Variants in NTM observed in about 807,000 individuals in gnomAD.
NTM encodes IgLON family member 2.
Under a neutral mutation model 42.1 loss-of-function variants are expected in NTM, and 13 were observed. The observed-to-expected ratio is 0.31, with a 90% CI of 0.20 to 0.49. The LOEUF is 0.49. NTM is among the 20% of genes least tolerant of loss of function. The pLI, the probability that NTM is intolerant of heterozygous loss-of-function variation, is 0.99. For missense variants in NTM, 373 were observed against 452.8 expected (o/e 0.82, Z 1.60); for synonymous variants, 187 against 179.2 (o/e 1.04, Z -0.35).
intron 2 of NTM, among the ~76,000 whole-genome samples, chr11:132,141,365 G>T (rs958954976): frequency 2.0e-5 from 3 of 151,974 alleles, no homozygotes; most frequent in African/African-American, 7.3e-5. Flanking sequence ...TTTCTGCGGT[G>T]CACATCTTGG....
chr11:131,895,122 A>C (rs1285872454), intron 1 of NTM, among the ~76,000 whole-genome samples: 1 of 152,268 alleles, frequency 6.6e-6, no homozygotes, highest in Non-Finnish European at 1.5e-5. Context: ...TTCGGTGATT[A>C]GGTTTTAAGA....
intron 1 of NTM, among the ~76,000 whole-genome samples, chr11:131,439,580 C>T (rs376537272): frequency 5.9e-5 from 9 of 152,322 alleles, no homozygotes; most frequent in South Asian, 4.1e-4. Context: ...GTGCTAGCAG[C>T]GAGCAAAGCT....
intron 4 of NTM, among the ~76,000 whole-genome samples, chr11:132,225,374 G>A (rs2086006058): frequency 6.6e-6 from 1 of 152,048 alleles, no homozygotes; most frequent in Non-Finnish European, 1.5e-5. Context: ...AGTGACTTTA[G>A]TGCTGCAAGA....
intron 4 of NTM, among the ~76,000 whole-genome samples, chr11:132,219,842 A>G (rs1015988858): frequency 2.6e-5 from 4 of 152,212 alleles, no homozygotes; most frequent in African/African-American, 7.2e-5. Context: ...ACCCGTGAGA[A>G]AAGAACGGAA....
intron 2 of NTM, among the ~76,000 whole-genome samples, chr11:131,957,111 G>A (rs2061639036): frequency 6.6e-6 from 1 of 152,148 alleles, no homozygotes; most frequent in South Asian, 2.1e-4. Flanking sequence ...ACTACGAGGT[G>A]GCCATGCTAG....
intron 1 of NTM, among the ~76,000 whole-genome samples, chr11:131,403,637 C>T (rs1263745906): frequency 2.0e-5 from 3 of 152,158 alleles, no homozygotes; most frequent in African/African-American, 7.2e-5. Context: ...ACTATGCACT[C>T]TTAGGAGGTT....
intron 1 of NTM, among the ~76,000 whole-genome samples, chr11:131,901,225 A>G (rs1245533795): frequency 1.3e-5 from 2 of 152,256 alleles, no homozygotes; most frequent in African/African-American, 4.8e-5. Flanking sequence ...TTCCAAGGTC[A>G]AGCTGGTAAT....
intron 1 of NTM, among the ~76,000 whole-genome samples, chr11:131,392,165 A>G (rs1944086198): frequency 6.6e-6 from 1 of 152,268 alleles, no homozygotes. Flanking sequence ...GCAAAAAGTC[A>G]TACTATATTA....
intron 2 of NTM, among the ~76,000 whole-genome samples, chr11:131,973,484 A>G (rs142334767): frequency 1.1e-3 from 161 of 152,318 alleles, no homozygotes; most frequent in African/African-American, 3.7e-3. Context: ...CCCTAAGGGC[A>G]GGAGGGGAGT....
At chr11:131,525,141 G>A (rs1042416907) in intron 1 of NTM, among the ~76,000 whole-genome samples, 8 of 152,212 alleles carry the variant, frequency 5.3e-5, no homozygotes, top group Non-Finnish European at 1.2e-4. Context: ...CCTGGGGAAG[G>A]GACATGGCCC....
At chr11:131,717,526 G>A (rs1346790596) in intron 1 of NTM, among the ~76,000 whole-genome samples, 1 of 152,042 alleles carries the variant, frequency 6.6e-6, no homozygotes, top group Non-Finnish European at 1.5e-5. Context: ...ATTTCACGTT[G>A]CTCATTACTA....
chr11:131,400,009 C>A (rs1944962220), intron 1 of NTM, among the ~76,000 whole-genome samples: 1 of 152,022 alleles, frequency 6.6e-6, no homozygotes, highest in South Asian at 2.1e-4. Context: ...TGAGATTCAT[C>A]CTAATTTATG....
At chr11:132,332,616 G>C (rs1313402415) in intron 8 of NTM, 1 of 152,306 alleles carries the variant, frequency 6.6e-6, no homozygotes, top group Non-Finnish European at 1.5e-5. Flanking sequence ...GCGTAGCAAG[G>C]AGACCAAACA....
At chr11:131,470,788 A>G (rs1274873186) in intron 1 of NTM, among the ~76,000 whole-genome samples, 1 of 152,120 alleles carries the variant, frequency 6.6e-6, no homozygotes. Flanking sequence ...GGGAAGGGAG[A>G]GGTGAGAGAC....
At chr11:131,533,631 C>A (rs969109031) in intron 1 of NTM, among the ~76,000 whole-genome samples, 2 of 152,174 alleles carry the variant, frequency 1.3e-5, no homozygotes, top group African/African-American at 4.8e-5. Flanking sequence ...AGCATCCCTT[C>A]TGTGAAATGG....
intron 1 of NTM, among the ~76,000 whole-genome samples, chr11:131,433,411 C>T (rs952457139): frequency 6.6e-6 from 1 of 152,196 alleles, no homozygotes; most frequent in South Asian, 2.1e-4. Context: ...GAACTCCCAT[C>T]ACCACTAACC....
At chr11:132,043,958 A>ATGTGTGTGTGTGTGTGTGTG (rs71067353) in intron 2 of NTM, among the ~76,000 whole-genome samples, 3 of 146,378 alleles carry the variant, frequency 2.0e-5, no homozygotes, top group Middle Eastern at 3.5e-3. Context: ...GACACCAACT[A>ATGTGTGTGTGTGTGTGTGTG]TGTGTGTGTG....
chr11:131,973,069 C>T (rs998370822), intron 2 of NTM, among the ~76,000 whole-genome samples: 3 of 152,210 alleles, frequency 2.0e-5, no homozygotes, highest in African/African-American at 7.2e-5. Flanking sequence ...CTGTGAAGAA[C>T]TCTAAATGTA....
intron 1 of NTM, among the ~76,000 whole-genome samples, chr11:131,376,076 G>T (rs1370756050): frequency 6.6e-6 from 1 of 152,130 alleles, no homozygotes; most frequent in Non-Finnish European, 1.5e-5. Flanking sequence ...GGCAGGGGTT[G>T]CTCTGCTTCA....
Sources: gnomAD v4.1 joint callset for allele counts (sites outside exome capture counted in the v4.1 genomes callset) on GRCh38, gnomAD v4.1.1 for gene constraint, MANE v1.5 for transcripts, NCBI Gene and HGNC (gene_info 2026-07-23, HGNC 2026-07-21) for gene names.